Variants in VSTM2B observed in about 807,000 individuals in gnomAD.
VSTM2B encodes V-set and transmembrane domain-containing protein 2B.
VSTM2B carries 24 observed loss-of-function variants against 24.0 expected under a neutral mutation model. The observed-to-expected ratio is 1.00, with a 90% CI of 0.72 to 1.40. The LOEUF (loss-of-function observed/expected upper bound fraction) is 1.40, where lower values mean the gene tolerates loss of function less well. Among genes scored for constraint, VSTM2B ranks in the 40% most tolerant of loss-of-function variants. The pLI is 0.00. For missense variants in VSTM2B, 399 were observed against 416.4 expected (o/e 0.96, Z 0.36); for synonymous variants, 226 against 194.4 (o/e 1.16, Z -1.35).
chr19:29,551,189 C>T (rs1970277154), intron 4 of VSTM2B, among the ~76,000 whole-genome samples: 1 of 152,224 alleles, frequency 6.6e-6, no homozygotes, highest in African/African-American at 2.4e-5. Context: ...AACAGATACT[C>T]CATGCCGATG....
chr19:29,537,211 C>T (rs1260271289), intron 4 of VSTM2B, among the ~76,000 whole-genome samples: 1 of 152,192 alleles, frequency 6.6e-6, no homozygotes, highest in Admixed American at 6.5e-5. Flanking sequence ...ACACCTCCTT[C>T]CCTGGGGTCG....
At chr19:29,530,898 T>G (rs1036238122) in intron 4 of VSTM2B, among the ~76,000 whole-genome samples, 5 of 147,382 alleles carry the variant, frequency 3.4e-5, no homozygotes, top group Non-Finnish European at 7.5e-5. Flanking sequence ...GGCTTTGGGG[T>G]GGGGGCAGTA....
intron 4 of VSTM2B, among the ~76,000 whole-genome samples, chr19:29,547,437 GCCTTGTTAT>G (rs1384694524): frequency 6.6e-6 from 1 of 152,200 alleles, no homozygotes; most frequent in African/African-American, 2.4e-5. Context: ...GGCAACCTTT[GCCTTGTTAT>G]CCTAAAGGTG....
intron 3 of VSTM2B, chr19:29,529,048 G>T: frequency 1.3e-5 from 13 of 985,468 alleles, no homozygotes; most frequent in Non-Finnish European, 1.6e-5. Flanking sequence ...CACCTGGAGC[G>T]TAGAAAGGCC....
At chr19:29,563,785 G>A (rs1048876982) in intron 4 of VSTM2B, 61 bp from the exon 5 acceptor site, 6 of 1,463,420 alleles carry the variant, frequency 4.1e-6, no homozygotes, top group Non-Finnish European at 3.7e-6. Flanking sequence ...CTGGTCTGCT[G>A]TGAGCTCCTA....
At chr19:29,534,585 A>C (rs1251355221) in intron 4 of VSTM2B, among the ~76,000 whole-genome samples, 1 of 152,130 alleles carries the variant, frequency 6.6e-6, no homozygotes, top group East Asian at 1.9e-4. Context: ...GTGTGGTGGC[A>C]GGCACCTGTA....
chr19:29,556,145 A>C (rs1395366415), intron 4 of VSTM2B, among the ~76,000 whole-genome samples: 1 of 149,196 alleles, frequency 6.7e-6, no homozygotes, highest in African/African-American at 2.6e-5. Flanking sequence ...TCCCTGATGA[A>C]CATCGATGCA....
chr19:29,540,064 A>C (rs1313236188), intron 4 of VSTM2B, among the ~76,000 whole-genome samples: 1 of 152,270 alleles, frequency 6.6e-6, no homozygotes, highest in Non-Finnish European at 1.5e-5. Flanking sequence ...CAGTCCCCTT[A>C]GAGTGACTTT....
At chr19:29,534,174 A>ACCTAG (rs1312026142) in intron 4 of VSTM2B, among the ~76,000 whole-genome samples, 1 of 152,150 alleles carries the variant, frequency 6.6e-6, no homozygotes, top group African/African-American at 2.4e-5. Context: ...CCATCAGCAG[A>ACCTAG]CCTAGCCTAA....
intron 4 of VSTM2B, among the ~76,000 whole-genome samples, chr19:29,545,090 A>C (rs959320250): frequency 2.0e-5 from 3 of 152,084 alleles, no homozygotes; most frequent in African/African-American, 4.8e-5. Flanking sequence ...GAGCCTCCAG[A>C]CTGGGTCAGC....
At chr19:29,531,246 C>T (rs1361918369) in intron 4 of VSTM2B, among the ~76,000 whole-genome samples, 1 of 152,200 alleles carries the variant, frequency 6.6e-6, no homozygotes, top group Non-Finnish European at 1.5e-5. Flanking sequence ...AGGTTGCTCC[C>T]TCCCTTGGCC....
intron 4 of VSTM2B, among the ~76,000 whole-genome samples, chr19:29,557,394 G>A (rs1218736981): frequency 1.3e-5 from 2 of 152,130 alleles, no homozygotes; most frequent in African/African-American, 4.8e-5. Context: ...ATTAACTCAA[G>A]ATAGATTAAA....
At chr19:29,544,070 G>T (rs903484762) in intron 4 of VSTM2B, among the ~76,000 whole-genome samples, 1 of 151,582 alleles carries the variant, frequency 6.6e-6, no homozygotes, top group Admixed American at 6.6e-5. Context: ...TGCTTTAAAA[G>T]ATTTAAAAGC....
intron 4 of VSTM2B, among the ~76,000 whole-genome samples, chr19:29,535,663 G>T (rs1476957763): frequency 6.6e-6 from 1 of 152,210 alleles, no homozygotes; most frequent in Non-Finnish European, 1.5e-5. Flanking sequence ...GTGACCAAAG[G>T]GGGCCGTGGG....
At chr19:29,536,774 C>A (rs577372123) in intron 4 of VSTM2B, among the ~76,000 whole-genome samples, 4 of 152,236 alleles carry the variant, frequency 2.6e-5, no homozygotes, top group African/African-American at 7.2e-5. Flanking sequence ...CGGGAACTAA[C>A]CCCCCAACAA....
chr19:29,545,384 G>A (rs753968706), intron 4 of VSTM2B, among the ~76,000 whole-genome samples: 18 of 152,252 alleles, frequency 1.2e-4, no homozygotes, highest in Non-Finnish European at 1.5e-4. Flanking sequence ...AGGCCGAGGC[G>A]GTTAGATCAC....
At chr19:29,561,507 C>T (rs1970525120) in intron 4 of VSTM2B, among the ~76,000 whole-genome samples, 1 of 152,034 alleles carries the variant, frequency 6.6e-6, no homozygotes, top group Non-Finnish European at 1.5e-5. Flanking sequence ...TGCCTGTAAT[C>T]CCAGCTACTT....
rs1354032967 is a variant in VSTM2B, at chr19:29,530,349, C to T, written c.769+59C>T. ...GGATGGCGCAGGGCTAGGGCTGCGCCGGGACGCCCCGGGGGGCTCCGGACC... is the reference window on the plus strand; with the variant it reads ...GGATGGCGCAGGGCTAGGGCTGCGCTGGGACGCCCCGGGGGGCTCCGGACC... On this transcript the variant is annotated intron_variant, in intron 4 of 4. Coordinates refer to ENST00000335523, the MANE Select transcript of VSTM2B (RefSeq NM_001146339.2). 8 of 1,387,698 alleles carry T rather than the reference C, an allele frequency of 5.8e-6. No homozygotes were observed. The Admixed American group carries it at 2.5e-4, about 43-fold the overall frequency. The allele number at this position is 1,387,698 out of a possible 1,614,324, so 86.0% of individuals were successfully genotyped here.
chr19:29,549,224 G>A (rs931066730), intron 4 of VSTM2B, among the ~76,000 whole-genome samples: 5 of 152,174 alleles, frequency 3.3e-5, no homozygotes, highest in African/African-American at 1.2e-4. Context: ...TGGCCACTTG[G>A]TGCCTTTACC....
Sources: allele counts gnomAD v4.1 joint callset (sites outside exome capture counted in the v4.1 genomes callset), GRCh38; gene constraint gnomAD v4.1.1; transcripts MANE v1.5; gene names NCBI Gene and HGNC (gene_info 2026-07-23, HGNC 2026-07-21).